The following SLC25A21 variants were observed in gnomAD, a reference collection of about 807,000 sequenced individuals.
The protein encoded by SLC25A21 is solute carrier family 25 member 21.
Under a neutral mutation model 43.8 loss-of-function variants are expected in SLC25A21, and 47 were observed. The ratio of observed to expected loss-of-function variants is 1.07; its 90% CI spans 0.85 to 1.37. SLC25A21 has a LOEUF of 1.37. SLC25A21 is among the 40% of genes most tolerant of loss of function. The pLI, the probability that SLC25A21 is intolerant of heterozygous loss-of-function variation, is 0.00. For synonymous variants in SLC25A21, 131 were observed against 121.3 expected, an observed-to-expected ratio of 1.08 and a Z score of -0.52; for missense variants, 352 against 350.2, an observed-to-expected ratio of 1.00 and a Z score of -0.04.
At chr14:36,704,826 C>T (rs575443963) in intron 7 of SLC25A21, among the ~76,000 whole-genome samples, 160 of 152,198 alleles carry the variant, frequency 1.1e-3, no homozygotes, top group South Asian at 2.1e-3. Context: ...ATCTCTGGGC[C>T]GTAACTTCCT....
chr14:36,837,783 G>C (rs1314323770), intron 2 of SLC25A21, among the ~76,000 whole-genome samples: 5 of 152,156 alleles, frequency 3.3e-5, no homozygotes, highest in Non-Finnish European at 5.9e-5. Context: ...TCCTCACACT[G>C]AAAGACTTCC....
At chr14:37,147,624 C>T (rs980058373) in intron 1 of SLC25A21, among the ~76,000 whole-genome samples, 1 of 129,550 alleles carries the variant, frequency 7.7e-6, no homozygotes, top group Non-Finnish European at 1.6e-5. Context: ...GTATTTCACA[C>T]TTATTTCAGG....
At chr14:36,939,327 C>T (rs572592354) in intron 1 of SLC25A21, among the ~76,000 whole-genome samples, 1 of 151,902 alleles carries the variant, frequency 6.6e-6, no homozygotes, top group South Asian at 2.1e-4. Context: ...AATGTAAATA[C>T]GAATTCTCTA....
rs536190110 is a variant in SLC25A21, at chr14:37,117,630, G to C, written c.70+54651C>G. On this transcript the variant is annotated intron_variant, in intron 1 of 9. Transcript: ENST00000331299. ...TTCACTCTCCACATGGGAATACAAA[G>C]AGGGAGAGGGGGGAAGTGTAGAAAA... 9.9e-5 allele frequency among the ~76,000 whole-genome samples: 15 copies of C among 152,244 alleles called. No individual in the cohort carries two copies. In the South Asian group the frequency reaches 3.1e-3, roughly 32 times the overall value.
chr14:36,741,009 T>C (rs972665347), intron 3 of SLC25A21, among the ~76,000 whole-genome samples: 2 of 152,086 alleles, frequency 1.3e-5, no homozygotes, highest in African/African-American at 4.8e-5. Context: ...TGGTAAATAG[T>C]GGGTAGACAG....
At chr14:37,068,915 C>T (rs1342825120) in intron 1 of SLC25A21, among the ~76,000 whole-genome samples, 1 of 152,170 alleles carries the variant, frequency 6.6e-6, no homozygotes, top group Non-Finnish European at 1.5e-5. Context: ...TGGCTCACGC[C>T]TGTAATCCCA....
At chr14:36,741,062 C>T (rs1885236724) in intron 3 of SLC25A21, among the ~76,000 whole-genome samples, 1 of 152,080 alleles carries the variant, frequency 6.6e-6, no homozygotes, top group African/African-American at 2.4e-5. Flanking sequence ...GGTAAAGAAA[C>T]TAAAAAGGAG....
At chr14:36,800,832 T>C (rs1010557661) in intron 3 of SLC25A21, among the ~76,000 whole-genome samples, 2 of 152,210 alleles carry the variant, frequency 1.3e-5, no homozygotes, top group African/African-American at 4.8e-5. Flanking sequence ...CTGCTTCTCT[T>C]GATGTTTAGT....
chr14:36,720,274 C>T (rs2139203611), intron 6 of SLC25A21, among the ~76,000 whole-genome samples: 1 of 152,346 alleles, frequency 6.6e-6, no homozygotes, highest in East Asian at 1.9e-4. Flanking sequence ...CCCCTCTCAG[C>T]TGCAGCAACT....
intron 1 of SLC25A21, among the ~76,000 whole-genome samples, chr14:37,005,567 T>C (rs977774012): frequency 1.3e-5 from 2 of 152,238 alleles, no homozygotes; most frequent in South Asian, 2.1e-4. Context: ...TTCACTTATA[T>C]AGTTATCATA....
chr14:36,693,324 G>A (rs1171730592), intron 7 of SLC25A21, among the ~76,000 whole-genome samples: 1 of 152,118 alleles, frequency 6.6e-6, no homozygotes, highest in Non-Finnish European at 1.5e-5. Flanking sequence ...TGAACATATG[G>A]CAGCCTGAAG....
intron 1 of SLC25A21, among the ~76,000 whole-genome samples, chr14:36,966,815 C>T (rs1226401769): frequency 6.6e-6 from 1 of 152,124 alleles, no homozygotes; most frequent in East Asian, 1.9e-4. Context: ...ACTTGGGGAA[C>T]CAGAACTTTA....
chr14:36,770,694 C>T (rs527876112), intron 3 of SLC25A21, among the ~76,000 whole-genome samples: 1 of 152,106 alleles, frequency 6.6e-6, no homozygotes, highest in African/African-American at 2.4e-5. Context: ...TCCCCTATTA[C>T]AACTGTTTCT....
chr14:37,003,029 C>T (rs988208431), intron 1 of SLC25A21, among the ~76,000 whole-genome samples: 1 of 152,160 alleles, frequency 6.6e-6, no homozygotes, highest in African/African-American at 2.4e-5. Flanking sequence ...ACAGTAGTCT[C>T]CCCTTATCTA....
chr14:36,725,526 A>C (rs1341559299), intron 6 of SLC25A21, 44 bp downstream of exon 6: 2 of 660,232 alleles, frequency 3.0e-6, no homozygotes, highest in Non-Finnish European at 4.5e-6. Flanking sequence ...TAAATAAATA[A>C]ATTTTTACAT....
chr14:37,014,840 T>A (rs1219193251), intron 1 of SLC25A21, among the ~76,000 whole-genome samples: 1 of 152,116 alleles, frequency 6.6e-6, no homozygotes, highest in Non-Finnish European at 1.5e-5. Context: ...CATGAATCTC[T>A]TTATACACCT....
chr14:36,847,031 A>C (rs529664913), intron 2 of SLC25A21, among the ~76,000 whole-genome samples: 1 of 152,348 alleles, frequency 6.6e-6, no homozygotes, highest in South Asian at 2.1e-4. Context: ...ACTCAATGTG[A>C]ATGTTTATAC....
intron 1 of SLC25A21, among the ~76,000 whole-genome samples, chr14:37,118,228 T>C (rs1035689075): frequency 2.6e-5 from 4 of 152,122 alleles, no homozygotes; most frequent in Non-Finnish European, 5.9e-5. Context: ...TTTTGAGATG[T>C]CTTTTCAGGT....
chr14:36,959,472 C>T (rs1959432622), intron 1 of SLC25A21, among the ~76,000 whole-genome samples: 2 of 152,086 alleles, frequency 1.3e-5, no homozygotes, highest in Non-Finnish European at 2.9e-5. Flanking sequence ...ATAAAATCCG[C>T]AAACCTGAGC....
Sources: gnomAD v4.1 joint callset for allele counts (sites outside exome capture counted in the v4.1 genomes callset) on GRCh38, gnomAD v4.1.1 for gene constraint, MANE v1.5 for transcripts, NCBI Gene and HGNC (gene_info 2026-07-23, HGNC 2026-07-21) for gene names.